The following MAF variants were observed in gnomAD, a reference collection of about 807,000 sequenced individuals.
MAF encodes MAF bZIP transcription factor, also known as transcription factor Maf.
In MAF, 10 loss-of-function variants were observed where a neutral mutation model predicts 22.0. The ratio of observed to expected loss-of-function variants is 0.45; its 90% CI spans 0.28 to 0.77. MAF has a LOEUF of 0.77. Among genes scored for constraint, MAF ranks in the 30% least tolerant of loss-of-function variants. The pLI, the probability that MAF is intolerant of heterozygous loss-of-function variation, is 0.12. For missense variants in MAF, 544 were observed against 548.4 expected, an observed-to-expected ratio of 0.99 and a Z score of 0.08; for synonymous variants, 337 against 255.8, an observed-to-expected ratio of 1.32 and a Z score of -3.03.
the MAF span, among the ~76,000 whole-genome samples, chr16:79,418,046 A>C: frequency 6.6e-6 from 1 of 152,136 alleles, no homozygotes; most frequent in African/African-American, 2.4e-5. Flanking sequence ...TGAACTAAAA[A>C]AGAAAAAGAA....
At chr16:79,594,722 A>AC (rs1567562587) in intron 1 of MAF, 169 bp from the exon 2 acceptor site, 4 of 1,429,450 alleles carry the variant, frequency 2.8e-6, no homozygotes, top group South Asian at 1.5e-5. Flanking sequence ...GAAAAAAAAA[A>AC]CATGTATTTG....
chr16:79,279,813 G>GT, the MAF span, among the ~76,000 whole-genome samples: 1 of 151,904 alleles, frequency 6.6e-6, no homozygotes, highest in East Asian at 1.9e-4. Context: ...CCTGCTTATT[G>GT]TTTTTAAAAT....
At chr16:79,486,195 A>C in the MAF span, among the ~76,000 whole-genome samples, 1 of 152,320 alleles carries the variant, frequency 6.6e-6, no homozygotes, top group East Asian at 1.9e-4. Flanking sequence ...CTTGATTGTT[A>C]GAGGCAGAAA....
At chr16:79,587,869 A>AGC (rs1555528403) in intron 1 of MAF, among the ~76,000 whole-genome samples, 2 of 118,984 alleles carry the variant, frequency 1.7e-5, no homozygotes, top group East Asian at 2.6e-4. Flanking sequence ...TACTTTCAAA[A>AGC]GGGGGGGGGG....
the MAF span, among the ~76,000 whole-genome samples, chr16:79,555,366 CT>C: frequency 1.3e-5 from 2 of 152,164 alleles, no homozygotes; most frequent in African/African-American, 4.8e-5. Context: ...CATTCAATGT[CT>C]TTTGATACCT....
chr16:79,570,460 T>C, the MAF span, among the ~76,000 whole-genome samples: 1 of 152,166 alleles, frequency 6.6e-6, no homozygotes, highest in African/African-American at 2.4e-5. Flanking sequence ...ACCTCTCCAT[T>C]TTCCAAGATC....
the MAF span, among the ~76,000 whole-genome samples, chr16:79,431,654 C>T: frequency 1.1e-4 from 16 of 152,264 alleles, no homozygotes; most frequent in Admixed American, 3.3e-4. Context: ...TCTTCCCTGA[C>T]GAATGCTAAC....
chr16:79,573,068 T>C, the MAF span, among the ~76,000 whole-genome samples: 1 of 152,034 alleles, frequency 6.6e-6, no homozygotes, highest in Non-Finnish European at 1.5e-5. Context: ...TTCATGTGTA[T>C]TTTTTTTCCC....
the MAF span, among the ~76,000 whole-genome samples, chr16:79,492,338 CA>C: frequency 6.6e-6 from 1 of 152,090 alleles, no homozygotes; most frequent in African/African-American, 2.4e-5. Context: ...ATAATTAATA[CA>C]AAAAGTCAAA....
the MAF span, among the ~76,000 whole-genome samples, chr16:79,533,936 C>G: frequency 0.86 from 130,685 of 152,212 alleles, 56,511 homozygotes; most frequent in South Asian, 0.95. Flanking sequence ...CCAGAGACAA[C>G]AGAGGGCAAG....
the MAF span, among the ~76,000 whole-genome samples, chr16:79,465,786 G>T: frequency 1.3e-5 from 2 of 152,136 alleles, no homozygotes; most frequent in Non-Finnish European, 2.9e-5. Context: ...AGCTGTAGTA[G>T]GGTCTATCTC....
At chr16:79,570,599 G>T in the MAF span, among the ~76,000 whole-genome samples, 76 of 152,304 alleles carry the variant, frequency 5.0e-4, no homozygotes, top group African/African-American at 1.8e-3. Context: ...GGAAGCTCAC[G>T]CAATGGTGTG....
At chr16:79,377,859 A>T in the MAF span, among the ~76,000 whole-genome samples, 66 of 152,180 alleles carry the variant, frequency 4.3e-4, no homozygotes, top group African/African-American at 1.5e-3. Context: ...ATTATTTCTG[A>T]GGGCTCTGTT....
At chr16:79,359,312 G>T in the MAF span, among the ~76,000 whole-genome samples, 3 of 152,176 alleles carry the variant, frequency 2.0e-5, no homozygotes, top group African/African-American at 7.2e-5. Flanking sequence ...GTCAGTTCCA[G>T]TAGCTTTTAC....
At chr16:79,425,303 TTA>T in the MAF span, among the ~76,000 whole-genome samples, 1 of 152,202 alleles carries the variant, frequency 6.6e-6, no homozygotes, top group South Asian at 2.1e-4. Context: ...TGTCTTTTTT[TTA>T]TTTTTAAAAT....
the MAF span, among the ~76,000 whole-genome samples, chr16:79,521,431 G>A: frequency 2.6e-5 from 4 of 152,162 alleles, no homozygotes; most frequent in African/African-American, 7.2e-5. Flanking sequence ...GGAAAAGTTC[G>A]CACTCAGCAT....
the MAF span, among the ~76,000 whole-genome samples, chr16:79,408,781 A>G: frequency 6.6e-6 from 1 of 152,078 alleles, no homozygotes; most frequent in African/African-American, 2.4e-5. Flanking sequence ...ACTAAACTAG[A>G]TACTAAGGAT....
chr16:79,405,740 A>G, the MAF span, among the ~76,000 whole-genome samples: 2 of 152,216 alleles, frequency 1.3e-5, no homozygotes, highest in Admixed American at 1.3e-4. Context: ...ATCATAACTA[A>G]TAGTCACTGA....
chr16:79,461,566 T>G, the MAF span, among the ~76,000 whole-genome samples: 74 of 152,260 alleles, frequency 4.9e-4, no homozygotes, highest in African/African-American at 1.6e-3. Context: ...TTGAACACAC[T>G]CACATGGTAC....
Sources: allele counts gnomAD v4.1 joint callset (sites outside exome capture counted in the v4.1 genomes callset), GRCh38; gene constraint gnomAD v4.1.1; transcripts MANE v1.5; gene names NCBI Gene and HGNC (gene_info 2026-07-23, HGNC 2026-07-21).